SLC23A2: variants seen among roughly 807,000 people sequenced by gnomAD.
The protein encoded by SLC23A2 is Na(+)/L-ascorbic acid transporter 2.
Under a neutral mutation model 73.3 loss-of-function variants are expected in SLC23A2, and 36 were observed. The ratio of observed to expected loss-of-function variants is 0.49; its 90% confidence interval spans 0.38 to 0.65. SLC23A2 has a LOEUF of 0.65. Ranked by LOEUF, SLC23A2 falls within the 30% of genes least tolerant of loss-of-function variation. The pLI is 0.00. For missense variants in SLC23A2, 507 were observed against 841.6 expected, an observed-to-expected ratio of 0.60 and a Z score of 4.92; for synonymous variants, 343 against 327.3, an observed-to-expected ratio of 1.05 and a Z score of -0.52.
chr20:4,885,955 C>T (rs1931080590), intron 6 of SLC23A2, 46 bp from the exon 7 acceptor site: 2 of 1,292,072 alleles, frequency 1.5e-6, no homozygotes, highest in Non-Finnish European at 2.2e-6. Context: ...TCGGGAACTA[C>T]CGAGGTAGTT....
intron 3 of SLC23A2, among the ~76,000 whole-genome samples, chr20:4,921,441 C>T (rs1932496588): frequency 6.6e-6 from 1 of 151,960 alleles, no homozygotes; most frequent in Non-Finnish European, 1.5e-5. Flanking sequence ...TAACAACTAG[C>T]TGGGCGTGGT....
intron 6 of SLC23A2, among the ~76,000 whole-genome samples, chr20:4,889,231 G>A (rs1044554547): frequency 4.6e-5 from 7 of 152,134 alleles, no homozygotes; most frequent in South Asian, 2.1e-4. Flanking sequence ...GCTTCGCCAC[G>A]TGTGTGGGGG....
intron 6 of SLC23A2, among the ~76,000 whole-genome samples, chr20:4,892,419 T>C (rs1931365431): frequency 1.3e-5 from 2 of 151,902 alleles, no homozygotes; most frequent in African/African-American, 2.4e-5. Flanking sequence ...ACTCCTGACC[T>C]CAGGTGATCC....
intron 6 of SLC23A2, among the ~76,000 whole-genome samples, chr20:4,891,766 T>C (rs1260854448): frequency 6.6e-6 from 1 of 152,218 alleles, no homozygotes; most frequent in Non-Finnish European, 1.5e-5. Context: ...AATCTTTCTT[T>C]TGAGACAGGG....
chr20:5,008,469 A>G (rs2088214270), intron 1 of SLC23A2, among the ~76,000 whole-genome samples: 1 of 152,016 alleles, frequency 6.6e-6, no homozygotes, highest in Non-Finnish European at 1.5e-5. Flanking sequence ...ACCCCAGTTC[A>G]CTCTGCAGCT....
chr20:4,952,806 C>T (rs1487600944), intron 2 of SLC23A2, among the ~76,000 whole-genome samples: 3 of 152,142 alleles, frequency 2.0e-5, no homozygotes, highest in African/African-American at 7.2e-5. Context: ...AGGTGGATCA[C>T]GAGGTCAGGA....
At chr20:4,931,789 G>T (rs907559061) in intron 3 of SLC23A2, among the ~76,000 whole-genome samples, 8 of 151,924 alleles carry the variant, frequency 5.3e-5, no homozygotes, top group Admixed American at 4.6e-4. Flanking sequence ...AAAAAGGAAA[G>T]AAAAAAATCC....
chr20:4,895,628 G>T (rs1017445025), intron 6 of SLC23A2, among the ~76,000 whole-genome samples: 1 of 152,158 alleles, frequency 6.6e-6, no homozygotes, highest in Admixed American at 6.5e-5. Context: ...GGGGCTCGAG[G>T]GGTCACTTGT....
At chr20:4,922,997 T>C (rs954561328) in intron 3 of SLC23A2, among the ~76,000 whole-genome samples, 1 of 152,178 alleles carries the variant, frequency 6.6e-6, no homozygotes, top group African/African-American at 2.4e-5. Flanking sequence ...TTTGTATTAC[T>C]AACATCTCTC....
At chr20:4,888,995 G>T (rs565863688) in intron 6 of SLC23A2, among the ~76,000 whole-genome samples, 38 of 152,316 alleles carry the variant, frequency 2.5e-4, no homozygotes, top group Admixed American at 3.9e-4. Context: ...CAGGTTAAGG[G>T]ATTTATCATT....
chr20:4,922,090 G>A (rs1407761756), intron 3 of SLC23A2, among the ~76,000 whole-genome samples: 1 of 152,152 alleles, frequency 6.6e-6, no homozygotes, highest in East Asian at 1.9e-4. Flanking sequence ...TTATGGTAAA[G>A]AAATCAATCT....
intron 6 of SLC23A2, among the ~76,000 whole-genome samples, chr20:4,886,749 T>C (rs1175169467): frequency 6.6e-6 from 1 of 152,210 alleles, no homozygotes; most frequent in Non-Finnish European, 1.5e-5. Context: ...CTATTTTTAA[T>C]ATAATTTTGA....
At chr20:4,929,342 G>A (rs935086050) in intron 3 of SLC23A2, among the ~76,000 whole-genome samples, 1 of 151,936 alleles carries the variant, frequency 6.6e-6, no homozygotes, top group Admixed American at 6.6e-5. Flanking sequence ...CTGCTGGGCT[G>A]AGCCTGGAAG....
chr20:4,870,252 T>C (rs1374076800), intron 11 of SLC23A2, among the ~76,000 whole-genome samples, 199 bp from the exon 12 acceptor site: 1 of 152,176 alleles, frequency 6.6e-6, no homozygotes, highest in Non-Finnish European at 1.5e-5. Context: ...GCGGCCATAA[T>C]GAGGACTGAT....
At chr20:4,976,358 T>G (rs2087644433) in intron 1 of SLC23A2, among the ~76,000 whole-genome samples, 1 of 152,074 alleles carries the variant, frequency 6.6e-6, no homozygotes, top group African/African-American at 2.4e-5. Flanking sequence ...TTTTTGCAAT[T>G]TCTTCTATTA....
intron 3 of SLC23A2, among the ~76,000 whole-genome samples, chr20:4,919,454 G>A (rs939542383): frequency 1.3e-5 from 2 of 152,292 alleles, no homozygotes; most frequent in South Asian, 2.1e-4. Context: ...CCAGTAGGGC[G>A]ACAAGAGGAG....
At chr20:4,957,511 G>T (rs899207975) in intron 2 of SLC23A2, among the ~76,000 whole-genome samples, 1 of 150,982 alleles carries the variant, frequency 6.6e-6, no homozygotes, top group Non-Finnish European at 1.5e-5. Context: ...TTAAAGAGGG[G>T]GATAGATTAT....
At chr20:4,943,881 A>G (rs1249834358) in intron 2 of SLC23A2, among the ~76,000 whole-genome samples, 1 of 152,208 alleles carries the variant, frequency 6.6e-6, no homozygotes, top group Non-Finnish European at 1.5e-5. Flanking sequence ...CCGACAGCAC[A>G]AGGGAGCTGC....
chr20:4,972,386 G>A (rs2087574910), intron 1 of SLC23A2, among the ~76,000 whole-genome samples: 1 of 150,326 alleles, frequency 6.7e-6, no homozygotes, highest in African/African-American at 2.4e-5. Context: ...ACTAAACACT[G>A]GTCTTGTGCT....
Sources: allele counts gnomAD v4.1 joint callset (sites outside exome capture counted in the v4.1 genomes callset), GRCh38; gene constraint gnomAD v4.1.1; transcripts MANE v1.5; gene names NCBI Gene and HGNC (gene_info 2026-07-23, HGNC 2026-07-21).